Variants in ZNF638 observed in about 807,000 individuals in gnomAD.
ZNF638 encodes zinc finger protein 638.
In ZNF638, 46 loss-of-function variants were observed where a neutral mutation model predicts 195.6. The ratio of observed to expected loss-of-function variants is 0.24; its 90% CI spans 0.19 to 0.30. ZNF638 has a LOEUF of 0.30. ZNF638 is among the 10% of genes least tolerant of loss of function. The probability of loss-of-function intolerance (pLI) is 1.00; values close to 1 mark genes in which losing one functional copy is unlikely to be tolerated. For synonymous variants in ZNF638, 845 were observed against 772.0 expected (o/e 1.09, Z -1.57); for missense variants, 2,440 against 2,325.3 (o/e 1.05, Z -1.01).
rs760623238 is a variant in ZNF638 at position 71,403,946 on chromosome 2, G to C, written c.2906G>C (p.Gly969Ala). 9 of 1,612,356 alleles carry C rather than the reference G, an allele frequency of 5.6e-6. No homozygotes were observed. In the South Asian group the frequency reaches 9.9e-5, roughly 18 times the overall value. The change falls in exon 17 of 28, where the codon GGA (glycine) becomes GCA (alanine). Residue 969 changes from glycine (G) to alanine (A), a missense_variant. Gly to Ala is a moderately conservative substitution (Grantham distance 60, BLOSUM62 0). Around this residue, in one of 5 missense-constraint regions of ZNF638, gnomAD observed 1,883 missense variants for 1,739.1 expected, o/e 1.08. Transcript: ENST00000264447. ...FYTCFPVLMD[G>A]NQLSISMAPE... is the part of the protein sequence containing the mutation. ...ACCTGCTTCCCAGTATTGATGGATGGAAATCAACTCTCAATAAGTATGGCT... is the reference window on the plus strand; with the variant it reads ...ACCTGCTTCCCAGTATTGATGGATGCAAATCAACTCTCAATAAGTATGGCT...
chr2:71,342,534 A>G (rs1203951473), intron 1 of ZNF638, among the ~76,000 whole-genome samples: 1 of 152,204 alleles, frequency 6.6e-6, no homozygotes, highest in Non-Finnish European at 1.5e-5. Flanking sequence ...GTGAATCTAC[A>G]TAGGTAACTG....
At position 71,408,166 on chromosome 2, in the gene ZNF638, T is replaced by C. The variant is rs777566719; in HGVS notation, c.3180T>C (p.Tyr1060=). The C allele has an allele frequency of 3.8e-5, 61 of 1,613,372 alleles. No homozygotes were observed. The highest frequency in any genetic ancestry group is 6.8e-6 in the Non-Finnish European group (8 of 1,179,614). Reference sequence around the variant, plus strand: ...GTCCTGAATCTGCTCAGTCAATGTATAGCTTTCTGAAACAAAATCCACAAA... The same window carrying C: ...GTCCTGAATCTGCTCAGTCAATGTACAGCTTTCTGAAACAAAATCCACAAA... ...LDSPESAQSM[Y]SFLKQNPQNI... is the part of the protein sequence containing the mutation. The change falls in exon 20 of 28, where the codon TAT becomes TAC. Residue 1060 remains tyrosine, a synonymous_variant. Coordinates refer to ENST00000264447, the MANE Select transcript of ZNF638 (RefSeq NM_014497.5).
chr2:71,365,631 A>G lies in ZNF638; in HGVS notation c.1920A>G (p.Lys640=), dbSNP rs1220547207. Residue 640 remains lysine (K), a synonymous_variant, in exon 6 of 28, where the codon AAA becomes AAG. Transcript: ENST00000264447. ...TAGGAGGACATTCTATTCGTTGTAAATCAAAGAATCTTGAAGATGACACTT... is the reference window on the plus strand; with the variant it reads ...TAGGAGGACATTCTATTCGTTGTAAGTCAAAGAATCTTGAAGATGACACTT... ...SNLGGHSIRC[K]SKNLEDDTLS... is the part of the protein sequence containing the mutation. 1.9e-6 allele frequency: 3 copies of G among 1,614,112 alleles called. No homozygotes were observed. The highest frequency in any genetic ancestry group is 2.5e-6 in the Non-Finnish European group (3 of 1,179,938).
At chr2:71,363,047 C>A in intron 3 of ZNF638, 106 bp from the exon 4 acceptor site, 4 of 808,924 alleles carry the variant, frequency 4.9e-6, no homozygotes, top group East Asian at 2.5e-5. Context: ...TATTTTATTT[C>A]CAATAAAAGT....
intron 10 of ZNF638, among the ~76,000 whole-genome samples, chr2:71,385,013 G>GA (rs2079608781): frequency 6.6e-6 from 1 of 152,144 alleles, no homozygotes; most frequent in Non-Finnish European, 1.5e-5. Flanking sequence ...TGGCATTCAG[G>GA]AGAAGGGAAA....
intron 10 of ZNF638, among the ~76,000 whole-genome samples, chr2:71,388,015 CTTATAA>C (rs1161303262): frequency 6.6e-6 from 1 of 152,072 alleles, no homozygotes; most frequent in Non-Finnish European, 1.5e-5. Flanking sequence ...TACAACTACA[CTTATAA>C]TTAAAGAAAA....
chr2:71,404,071 T>G, intron 17 of ZNF638, 73 bp downstream of exon 17: 2 of 1,461,566 alleles, frequency 1.4e-6, no homozygotes, highest in Non-Finnish European at 1.8e-6. Context: ...TGTTATGTTT[T>G]CTAGTTTTCC....
intron 25 of ZNF638, chr2:71,429,085 T>C (rs1351478293): frequency 6.4e-6 from 1 of 157,032 alleles, no homozygotes. Context: ...CTTGTCATAT[T>C]GTATTGGGTA....
At position 71,423,234 on chromosome 2, in the gene ZNF638, A is replaced by G. The variant is rs761075785; in HGVS notation, c.3720A>G (p.Leu1240=). The G allele has an allele frequency of 6.2e-7, 1 of 1,614,174 alleles. No individual in the cohort carries two copies. Among genetic ancestry groups the G allele is most frequent in the South Asian group, 1.1e-5 (1 of 91,080 alleles). The part of the protein sequence containing the change: ...FAEERNLKGI[L]EESPSEAEDF... The stretch of plus-strand genomic sequence containing the variant: ...AAGAAAGGAACCTCAAAGGAATTCT[A>G]GAAGAATCTCCATCTGAAGCAGAAG... The change falls in exon 22 of 28, where the codon CTA becomes CTG. Residue 1240 remains leucine (L), a synonymous_variant. Coordinates refer to ENST00000264447, the MANE Select transcript of ZNF638 (RefSeq NM_014497.5).
intron 1 of ZNF638, among the ~76,000 whole-genome samples, chr2:71,337,552 C>T (rs563523822): frequency 1.0e-3 from 152 of 152,080 alleles, no homozygotes; most frequent in African/African-American, 3.4e-3. Flanking sequence ...GGCTCAGGCG[C>T]GCACCACCAT....
Position 71,396,821 on chromosome 2 carries a change from C to G in ZNF638, c.2428+630C>G, listed in dbSNP as rs992108476. On this transcript the variant is annotated intron_variant, in intron 11 of 27. Coordinates refer to ENST00000264447, the MANE Select transcript of ZNF638 (RefSeq NM_014497.5). ...ACTAGCCAGGCACCAGTGATGCACG[C>G]CTGTAATCTCAGCTACTGGGAAGGC... is the stretch of plus-strand genomic sequence containing the variant. 6.6e-5 allele frequency among the ~76,000 whole-genome samples: 10 copies of G among 152,214 alleles called. No individual in the cohort carries two copies. The Middle Eastern group carries it at 0.014, about 207-fold the overall frequency.
chr2:71,402,479 C>G (rs948759718), intron 16 of ZNF638, among the ~76,000 whole-genome samples: 1 of 151,960 alleles, frequency 6.6e-6, no homozygotes, highest in Non-Finnish European at 1.5e-5. Context: ...ACACCAGCAG[C>G]CTTTATCTAT....
At chr2:71,404,102 C>A in intron 17 of ZNF638, 104 bp downstream of exon 17, 3 of 1,189,458 alleles carry the variant, frequency 2.5e-6, no homozygotes, top group South Asian at 1.7e-5. Flanking sequence ...ACATTTTTCT[C>A]ACAGACACTG....
At chr2:71,342,218 CAAAA>C (rs70959232) in intron 1 of ZNF638, among the ~76,000 whole-genome samples, 1 of 99,292 alleles carries the variant, frequency 1.0e-5, no homozygotes, top group Non-Finnish European at 1.9e-5. Flanking sequence ...GACTCTGTCT[CAAAA>C]AAAAAAAAAA....
rs141290351 is a variant in ZNF638 at position 71,364,210 on chromosome 2, G to A, written c.1675G>A (p.Val559Ile). ...AGGTAGTCCAAAATGCTTTCGATCA[G>A]TTAGCCCTGAGAGGATGTCAAGGAG... ...FRGSPKCFRS[V>I]SPERMSRRSV... is the part of the protein sequence containing the mutation. Residue 559 changes from valine (V) to isoleucine (I), a missense_variant, in exon 5 of 28, where the codon GTT (valine) becomes ATT (isoleucine). This residue lies in a region of ZNF638 where 1,883 missense variants were observed against 1,739.1 expected (regional missense o/e 1.08). Transcript: ENST00000264447. 5.6e-4 allele frequency: 905 copies of A among 1,614,184 alleles called. 1 individual carries two copies. The highest frequency in any genetic ancestry group is 7.1e-4 in the Non-Finnish European group (832 of 1,180,032).
chr2:71,336,372 CAAAAA>C (rs66593443), intron 1 of ZNF638, among the ~76,000 whole-genome samples: 1 of 105,556 alleles, frequency 9.5e-6, no homozygotes, highest in Non-Finnish European at 1.9e-5. Flanking sequence ...ATTCCATCTC[CAAAAA>C]AAAAAAAAAA....
At chr2:71,364,943 TC>T (rs1186296328) in intron 5 of ZNF638, among the ~76,000 whole-genome samples, 2 of 152,198 alleles carry the variant, frequency 1.3e-5, no homozygotes, top group Non-Finnish European at 2.9e-5. Context: ...GAATTTAGGT[TC>T]TTCTTTTAAG....
chr2:71,398,739 G>A lies in ZNF638; in HGVS notation c.2467G>A (p.Ala823Thr). 1 of 1,613,270 alleles carries A rather than the reference G, an allele frequency of 6.2e-7. No individual in the cohort carries two copies. Among genetic ancestry groups the A allele is most frequent in the East Asian group, 2.2e-5 (1 of 44,794 alleles). ...TTCTGTAAAATCTGTGGTAACGGTA[G>A]CTGTTAAAGGTAATAAAGCTTCAAT... ...ASSVKSVVTV[A>T]VKGNKASIKT... Residue 823 changes from alanine to threonine, a missense_variant, in exon 12 of 28, where the codon GCT becomes ACT. By Grantham distance (58) the Ala-to-Thr change is moderately conservative. Around this residue, in one of 5 missense-constraint regions of ZNF638, gnomAD observed 1,883 missense variants for 1,739.1 expected, o/e 1.08. Transcript: ENST00000264447.
At chr2:71,348,296 A>C (rs2078885650) in intron 1 of ZNF638, 2 of 453,588 alleles carry the variant, frequency 4.4e-6, no homozygotes, top group Middle Eastern at 1.1e-3. Flanking sequence ...ATTCCAAGGA[A>C]GATTGTGTTT....
Sources: gnomAD v4.1 joint callset for allele counts (sites outside exome capture counted in the v4.1 genomes callset) on GRCh38, gnomAD v4.1.1 for gene constraint, gnomAD v4.1.1 regional missense constraint, MANE v1.5 for transcripts, NCBI Gene and HGNC (gene_info 2026-07-23, HGNC 2026-07-21) for gene names.